Variants in PRKACA observed in about 807,000 individuals in gnomAD.
PRKACA encodes the protein protein kinase cAMP-activated catalytic subunit alpha.
In PRKACA, 9 loss-of-function variants were observed where a neutral mutation model predicts 45.8. The observed-to-expected ratio is 0.20, with a 90% CI of 0.12 to 0.34. The LOEUF (loss-of-function observed/expected upper bound fraction) is 0.34, where lower values mean the gene tolerates loss of function less well. Among genes scored for constraint, PRKACA ranks in the 10% least tolerant of loss-of-function variants. The probability of loss-of-function intolerance (pLI) is 1.00; values close to 1 mark genes in which losing one functional copy is unlikely to be tolerated. For missense variants in PRKACA, 238 were observed against 458.6 expected, an observed-to-expected ratio of 0.52 and a Z score of 4.39; for synonymous variants, 160 against 178.6, an observed-to-expected ratio of 0.90 and a Z score of 0.83.
At chr19:14,110,000 A>ACC in intron 1 of PRKACA, among the ~76,000 whole-genome samples, 1 of 98,678 alleles carries the variant, frequency 1.0e-5, no homozygotes. Context: ...ATATATATAT[A>ACC]CACACACACA....
intron 1 of PRKACA, 75 bp downstream of exon 1, chr19:14,117,427 G>T: frequency 8.1e-7 from 1 of 1,231,926 alleles, no homozygotes; most frequent in Non-Finnish European, 1.0e-6. Context: ...CGTAGGGGGA[G>T]GGGCCAGGCG....
At position 14,111,857 on chromosome 19, in the gene PRKACA, C is replaced by T. The variant is rs551897428; in HGVS notation, c.47-4448G>A. Among the ~76,000 whole-genome samples, 6 of 152,290 alleles carry T rather than the reference C, an allele frequency of 3.9e-5. No homozygotes were observed. In the East Asian group the frequency reaches 7.7e-4, roughly 20 times the overall value. On this transcript the variant is annotated intron_variant, in intron 1 of 9. Coordinates refer to ENST00000308677, the MANE Select transcript of PRKACA (RefSeq NM_002730.4). ...GTGCCCTCTTGGGATTCTACCTTCA[C>T]CCACACAAGAAGGCAGAGAGGTGCC...
chr19:14,092,254 C>T lies in PRKACA; in HGVS notation c.*858G>A. On this transcript the variant is annotated 3_prime_UTR_variant, in exon 10 of 10. Coordinates refer to ENST00000308677, the MANE Select transcript of PRKACA (RefSeq NM_002730.4). The stretch of plus-strand genomic sequence containing the variant: ...CCCTCTGTCTTTTTGGGGGATGACT[C>T]CTCTTTGGCAGGGAGAGGGGCAGCT... 1 of 184,592 alleles carries T rather than the reference C, an allele frequency of 5.4e-6. No homozygotes were observed. Among genetic ancestry groups the T allele is most frequent in the Non-Finnish European group, 1.1e-5 (1 of 89,364 alleles). The allele number at this position is 184,592 out of a possible 1,614,324, so 11.4% of individuals were successfully genotyped here.
intron 1 of PRKACA, chr19:14,107,655 G>C (rs1977652355): frequency 7.6e-7 from 1 of 1,318,428 alleles, no homozygotes; most frequent in African/African-American, 1.5e-5. Context: ...ACTCGCAGGG[G>C]AACGGAGGGA....
In PRKACA at chr19:14,097,178, G is replaced by T; in HGVS notation, c.765+183C>A. 1.1e-6 allele frequency: 1 copy of T among 892,964 alleles called. No individual in the cohort carries two copies. The highest frequency in any genetic ancestry group is 1.7e-6 in the Non-Finnish European group (1 of 582,568). 55.3% of individuals were successfully genotyped at this position (892,964 alleles called of 1,614,324 possible). A position where few individuals can be genotyped will look rare whatever the true frequency, so the allele number is the denominator to read the frequency against. On this transcript the variant is annotated intron_variant, in intron 8 of 9. Coordinates refer to ENST00000308677, the MANE Select transcript of PRKACA (RefSeq NM_002730.4). The surrounding 1 kb of genome is among the most constrained non-coding windows in gnomAD (Gnocchi z 5.4). ...ATTCTGGAACCGCGGGGTTGGGGCT[G>T]GACAGCAAGGGGGCTTGAGGTGTTG...
At chr19:14,107,880 C>T (rs1977660201) in intron 1 of PRKACA, 1 of 990,640 alleles carries the variant, frequency 1.0e-6, no homozygotes, top group South Asian at 4.6e-5. Flanking sequence ...CCAGCTGGCC[C>T]TGTTCCTCTC....
intron 5 of PRKACA, among the ~76,000 whole-genome samples, 170 bp downstream of exon 5, chr19:14,100,656 T>G (rs185460915): frequency 5.2e-4 from 79 of 152,308 alleles, no homozygotes; most frequent in Admixed American, 8.5e-4. Context: ...TTGTGGTGGT[T>G]GAAATATCAC....
chr19:14,092,924 C>G lies in PRKACA; in HGVS notation c.*188G>C. ...GGAGGGTGAAGGGGATGAGGGGGAG[C>G]AGCTGGTGTTTCTGTCCCTCTGATT... is the stretch of plus-strand genomic sequence containing the variant. On this transcript the variant is annotated 3_prime_UTR_variant, in exon 10 of 10. Coordinates refer to ENST00000308677, the MANE Select transcript of PRKACA (RefSeq NM_002730.4). 4.5e-6 allele frequency: 3 copies of G among 663,562 alleles called. No individual in the cohort carries two copies. The South Asian group carries it at 7.4e-5, about 16-fold the overall frequency. 41.1% of individuals were successfully genotyped at this position (663,562 alleles called of 1,614,324 possible). A position where few individuals can be genotyped will look rare whatever the true frequency, so the allele number is the denominator to read the frequency against.
chr19:14,103,175 G>A (rs1977497446), intron 3 of PRKACA, among the ~76,000 whole-genome samples: 1 of 152,106 alleles, frequency 6.6e-6, no homozygotes, highest in Non-Finnish European at 1.5e-5. Flanking sequence ...CCGTGGTGGA[G>A]GGTATCTTGG....
At chr19:14,104,453 T>G (rs1977543629) in intron 3 of PRKACA, among the ~76,000 whole-genome samples, 1 of 151,262 alleles carries the variant, frequency 6.6e-6, no homozygotes, top group Admixed American at 6.6e-5. Flanking sequence ...TCCCAGCACT[T>G]TGGGAGGCCG....
Position 14,117,587 on chromosome 19 carries a change from GCGGCGGGTGCTGGCTGCGGC to G in PRKACA, c.-60_-41del, listed in dbSNP as rs1967137064. ...CCGGGGCCGGTCCCGGAGCTGCGGC[GCGGCGGGTGCTGGCTGCGGC>G]CGGCGGCCCCGGAGCGCGCTGGGCG... On this transcript the variant is annotated 5_prime_UTR_variant, in exon 1 of 10. Transcript: ENST00000308677. 9.7e-7 allele frequency: 1 copy of G among 1,027,774 alleles called. No individual in the cohort carries two copies. The highest frequency in any genetic ancestry group is 7.2e-5 in the East Asian group (1 of 13,968). The allele number at this position is 1,027,774 out of a possible 1,614,324, so 63.7% of individuals were successfully genotyped here. A position where few individuals can be genotyped will look rare whatever the true frequency, so the allele number is the denominator to read the frequency against.
intron 1 of PRKACA, chr19:14,115,176 G>A (rs1413316333): frequency 1.1e-6 from 1 of 925,800 alleles, no homozygotes; most frequent in Admixed American, 6.2e-5. Flanking sequence ...GGCAGAACAT[G>A]ACATGATTTT....
intron 5 of PRKACA, among the ~76,000 whole-genome samples, chr19:14,100,085 C>A (rs1236192443): frequency 6.6e-6 from 1 of 151,844 alleles, no homozygotes; most frequent in South Asian, 2.1e-4. Context: ...CCTCGTGATC[C>A]GCCCGCCTCG....
At chr19:14,101,726 T>C (rs1977449750) in intron 4 of PRKACA, among the ~76,000 whole-genome samples, 1 of 151,302 alleles carries the variant, frequency 6.6e-6, no homozygotes, top group South Asian at 2.1e-4. Context: ...CCAGATGTGA[T>C]GGCACATGCC....
intron 5 of PRKACA, 30 bp downstream of exon 5, chr19:14,100,796 G>A (rs1977419468): frequency 1.2e-6 from 2 of 1,608,254 alleles, no homozygotes; most frequent in Non-Finnish European, 1.7e-6. Context: ...CACCCTGACA[G>A]CCTGATGTGA....
chr19:14,099,060 G>T (rs887588792), intron 5 of PRKACA, among the ~76,000 whole-genome samples: 3 of 152,074 alleles, frequency 2.0e-5, no homozygotes, highest in African/African-American at 4.8e-5. Context: ...GCCAAGGCGG[G>T]GGGGGCGGAT....
chr19:14,111,114 G>A (rs1464601429), intron 1 of PRKACA, among the ~76,000 whole-genome samples: 4 of 152,208 alleles, frequency 2.6e-5, no homozygotes, highest in African/African-American at 9.7e-5. Context: ...GTGGTAGATG[G>A]TGGCTGGGTG....
chr19:14,100,879 C>T lies in PRKACA; in HGVS notation c.366G>A (p.Glu122=). ...AGAACATCTCCCCGCCGGGCACGTACTCCATGACCATGTATAAGTTTGAGT... is the reference window on the plus strand; with the variant it reads ...AGAACATCTCCCCGCCGGGCACGTATTCCATGACCATGTATAAGTTTGAGT... The part of the protein sequence containing the change: ...KDNSNLYMVM[E]YVPGGEMFSH... Residue 122 remains glutamate, a synonymous_variant, in exon 5 of 10, where the codon GAG becomes GAA. Coordinates refer to ENST00000308677, the MANE Select transcript of PRKACA (RefSeq NM_002730.4). The T allele has an allele frequency of 6.2e-7, 1 of 1,614,068 alleles. No individual in the cohort carries two copies. Among genetic ancestry groups the T allele is most frequent in the Non-Finnish European group, 8.5e-7 (1 of 1,179,928 alleles).
At chr19:14,111,290 A>G (rs1966955823) in intron 1 of PRKACA, among the ~76,000 whole-genome samples, 1 of 152,088 alleles carries the variant, frequency 6.6e-6, no homozygotes, top group Non-Finnish European at 1.5e-5. Flanking sequence ...CCAGCTACTC[A>G]GGAGGCTGAG....
Sources: gnomAD v4.1 joint callset for allele counts (sites outside exome capture counted in the v4.1 genomes callset) on GRCh38, gnomAD v4.1.1 for gene constraint, Gnocchi (gnomAD v3.1) non-coding constraint, MANE v1.5 for transcripts, NCBI Gene and HGNC (gene_info 2026-07-23, HGNC 2026-07-21) for gene names.